Variants in DZIP3 observed in about 807,000 individuals in gnomAD.
The protein encoded by DZIP3 is E3 ubiquitin-protein ligase DZIP3.
In DZIP3, 118 loss-of-function variants were observed where a neutral mutation model predicts 162.0. The ratio of observed to expected loss-of-function variants is 0.73; its 90% CI spans 0.63 to 0.85. The LOEUF (loss-of-function observed/expected upper bound fraction) is 0.85. Among genes scored for constraint, DZIP3 ranks in the 40% least tolerant of loss-of-function variants. The pLI, the probability that DZIP3 is intolerant of heterozygous loss-of-function variation, is 0.00. For synonymous variants in DZIP3, 438 were observed against 458.6 expected (o/e 0.96, Z 0.57); for missense variants, 1,331 against 1,407.0 (o/e 0.95, Z 0.86).
chr3:108,674,680 G>A (rs558087189), intron 24 of DZIP3, among the ~76,000 whole-genome samples: 2 of 151,780 alleles, frequency 1.3e-5, no homozygotes, highest in South Asian at 2.1e-4. Flanking sequence ...CACCTAAATC[G>A]TATGTTAAAG....
chr3:108,688,544 CTGTTT>C, intron 29 of DZIP3, 44 bp from the exon 30 acceptor site: 2 of 1,575,396 alleles, frequency 1.3e-6, no homozygotes, highest in Non-Finnish European at 1.7e-6. Context: ...TCAGCTCTTA[CTGTTT>C]TAGGATAATT....
At chr3:108,598,192 A>G (rs1304046317) in intron 1 of DZIP3, among the ~76,000 whole-genome samples, 1 of 152,222 alleles carries the variant, frequency 6.6e-6, no homozygotes, top group Non-Finnish European at 1.5e-5. Flanking sequence ...CTTATATAAA[A>G]TTAAATATGT....
chr3:108,627,807 G>T (rs1941653046), intron 7 of DZIP3, among the ~76,000 whole-genome samples: 1 of 151,774 alleles, frequency 6.6e-6, no homozygotes, highest in African/African-American at 2.4e-5. Context: ...TTTTCGTCCT[G>T]GGCAAGGGCT....
Position 108,593,916 on chromosome 3 carries a change from C to T in DZIP3, c.-73+4077C>T, listed in dbSNP as rs1316686357. Among the ~76,000 whole-genome samples, 6 of 152,050 alleles carry T rather than the reference C, an allele frequency of 3.9e-5. No homozygotes were observed. The South Asian group carries it at 1.2e-3, about 32-fold the overall frequency. On this transcript the variant is annotated intron_variant, in intron 1 of 32. Transcript: ENST00000361582. ...CTGGTCTCGAGTGATCCGCTCGCCT[C>T]AGCTTCCTAAAGTCCTGGGATTATA...
intron 24 of DZIP3, 50 bp from the exon 25 acceptor site, chr3:108,675,734 TAA>T (rs1944082593): frequency 3.3e-6 from 5 of 1,510,444 alleles, no homozygotes; most frequent in Middle Eastern, 1.8e-4. Flanking sequence ...TTTGGAAACC[TAA>T]GTGTTATAAA....
At chr3:108,618,930 A>G (rs948977671) in intron 5 of DZIP3, among the ~76,000 whole-genome samples, 1 of 151,724 alleles carries the variant, frequency 6.6e-6, no homozygotes, top group Non-Finnish European at 1.5e-5. Context: ...GTGTGGTGGC[A>G]TGCGCCTGTA....
intron 4 of DZIP3, among the ~76,000 whole-genome samples, chr3:108,615,797 C>A (rs1486459689): frequency 6.6e-6 from 1 of 152,178 alleles, no homozygotes; most frequent in East Asian, 1.9e-4. Flanking sequence ...AAATGGTTTA[C>A]CCTTGTATTG....
chr3:108,602,611 G>A (rs973241016), intron 1 of DZIP3, among the ~76,000 whole-genome samples: 3 of 152,176 alleles, frequency 2.0e-5, no homozygotes, highest in Non-Finnish European at 4.4e-5. Context: ...TACGCTAGGG[G>A]AAACTAGATT....
intron 7 of DZIP3, among the ~76,000 whole-genome samples, chr3:108,627,435 C>T (rs1160466754): frequency 1.3e-5 from 2 of 152,108 alleles, no homozygotes; most frequent in Non-Finnish European, 1.5e-5. Flanking sequence ...CTGAGCCTTT[C>T]TAGGAACACT....
rs1248667076 is a variant in DZIP3 at position 108,644,227 on chromosome 3, T to C, written c.1205T>C (p.Ile402Thr). The change falls in exon 14 of 33, where the codon ATT becomes ACT. Residue 402 changes from isoleucine (I) to threonine (T), a missense_variant. Coordinates refer to ENST00000361582, the MANE Select transcript of DZIP3 (RefSeq NM_014648.4). The part of the protein sequence containing the change: ...YFYHLLHIII[I>T]SGTDIVRQIF... The stretch of plus-strand genomic sequence containing the variant: ...TATCATCTGCTTCATATAATTATTA[T>C]TTCTGGTACTGACATTGTTCGACAA... 5.6e-6 allele frequency: 9 copies of C among 1,612,640 alleles called. No individual in the cohort carries two copies. Among genetic ancestry groups the C allele is most frequent in the Non-Finnish European group, 7.6e-6 (9 of 1,179,608 alleles).
intron 32 of DZIP3, 104 bp downstream of exon 32, chr3:108,691,007 G>C (rs1275589370): frequency 1.1e-6 from 1 of 891,664 alleles, no homozygotes; most frequent in African/African-American, 1.7e-5. Flanking sequence ...AAAGAAGCCA[G>C]CTAATTTTAT....
rs73210650 is a variant in DZIP3 at position 108,591,230 on chromosome 3, G to A, written c.-73+1391G>A. Among the ~76,000 whole-genome samples the A allele has an allele frequency of 6.0e-3, 920 of 152,330 alleles. 2 individuals carry two copies. Among genetic ancestry groups the A allele is most frequent in the Non-Finnish European group, 8.7e-3 (590 of 68,028 alleles). Reference sequence around the variant, plus strand: ...ACAAGGATGCCATGTGGCTAGTGTAGAAAGAACGAGGAGGAGAGGAGTAGA... The same window carrying A: ...ACAAGGATGCCATGTGGCTAGTGTAAAAAGAACGAGGAGGAGAGGAGTAGA... On this transcript the variant is annotated intron_variant, in intron 1 of 32. Transcript: ENST00000361582.
At chr3:108,601,534 T>G (rs1370487292) in intron 1 of DZIP3, among the ~76,000 whole-genome samples, 2 of 152,218 alleles carry the variant, frequency 1.3e-5, no homozygotes, top group African/African-American at 4.8e-5. Flanking sequence ...TTTTTATTGT[T>G]TTCCACACCG....
intron 6 of DZIP3, 146 bp downstream of exon 6, chr3:108,624,670 C>T (rs78119686): frequency 0.013 from 5,922 of 464,726 alleles, 76 homozygotes; most frequent in South Asian, 0.046. Flanking sequence ...CTTTTGAATG[C>T]TTACCATTCA....
intron 32 of DZIP3, among the ~76,000 whole-genome samples, chr3:108,692,293 G>C (rs1168573406): frequency 6.6e-6 from 1 of 152,046 alleles, no homozygotes; most frequent in Admixed American, 6.6e-5. Flanking sequence ...ATCCAGTCCT[G>C]GGAGATGATC....
intron 22 of DZIP3, among the ~76,000 whole-genome samples, chr3:108,672,048 T>A (rs760979040): frequency 9.9e-5 from 15 of 151,918 alleles, no homozygotes; most frequent in Non-Finnish European, 8.8e-5. Flanking sequence ...CTCTTCCTCA[T>A]AGACAGCCGT....
intron 17 of DZIP3, among the ~76,000 whole-genome samples, chr3:108,650,535 T>C (rs1173494981): frequency 1.3e-5 from 2 of 151,786 alleles, no homozygotes; most frequent in African/African-American, 4.8e-5. Flanking sequence ...TTAAATGCCA[T>C]TGATACTACC....
chr3:108,633,427 G>A (rs1941976556), intron 9 of DZIP3, among the ~76,000 whole-genome samples: 1 of 151,930 alleles, frequency 6.6e-6, no homozygotes, highest in Non-Finnish European at 1.5e-5. Flanking sequence ...AAGAATGGTA[G>A]CATTTTACTA....
At position 108,688,111 on chromosome 3, in the gene DZIP3, C is replaced by A. The variant is rs1365123408; in HGVS notation, c.3270+15C>A. The A allele has an allele frequency of 1.2e-6, 2 of 1,611,826 alleles. No individual in the cohort carries two copies. Among genetic ancestry groups the A allele is most frequent in the African/African-American group, 2.7e-5 (2 of 74,860 alleles). On this transcript the variant is annotated intron_variant, in intron 29 of 32. Coordinates refer to ENST00000361582, the MANE Select transcript of DZIP3 (RefSeq NM_014648.4). Reference sequence around the variant, plus strand: ...AAAAGTCTCAGGTAAAATGCAAAAACAACCAAAAAACCTGTATCTCTCTGC... The same window carrying A: ...AAAAGTCTCAGGTAAAATGCAAAAAAAACCAAAAAACCTGTATCTCTCTGC...
Sources: gnomAD v4.1 joint callset for allele counts (sites outside exome capture counted in the v4.1 genomes callset) on GRCh38, gnomAD v4.1.1 for gene constraint, MANE v1.5 for transcripts, NCBI Gene and HGNC (gene_info 2026-07-23, HGNC 2026-07-21) for gene names.